SIPA1L1: variants seen among roughly 807,000 people sequenced by gnomAD.
SIPA1L1 encodes signal-induced proliferation-associated 1-like protein 1.
In SIPA1L1, 26 loss-of-function variants were observed where a neutral mutation model predicts 162.7. That is an observed-to-expected ratio of 0.16 (90% confidence interval 0.12 to 0.22). The LOEUF (loss-of-function observed/expected upper bound fraction) is 0.22, where lower values mean the gene tolerates loss of function less well. Ranked by LOEUF, SIPA1L1 falls within the 10% of genes least tolerant of loss-of-function variation. The pLI is 1.00. For missense variants in SIPA1L1, 1,874 were observed against 2,241.0 expected, an observed-to-expected ratio of 0.84 and a Z score of 3.31; for synonymous variants, 829 against 837.4, an observed-to-expected ratio of 0.99 and a Z score of 0.17.
At chr14:71,507,933 GT>G (rs1405468180) in intron 2 of SIPA1L1, among the ~76,000 whole-genome samples, 1 of 152,182 alleles carries the variant, frequency 6.6e-6, no homozygotes, top group East Asian at 1.9e-4. Context: ...ATGGCAATGA[GT>G]AAAAGCAGGC....
chr14:71,458,837 A>G (rs915260346), intron 2 of SIPA1L1, among the ~76,000 whole-genome samples: 19 of 151,982 alleles, frequency 1.3e-4, no homozygotes, highest in African/African-American at 4.4e-4. Context: ...TTGGGAGGCC[A>G]AGGTTTGGGG....
intron 2 of SIPA1L1, among the ~76,000 whole-genome samples, chr14:71,399,972 C>T (rs536186700): frequency 1.2e-4 from 18 of 152,088 alleles, no homozygotes; most frequent in South Asian, 6.2e-4. Flanking sequence ...CCACCCGCCT[C>T]GGCCTCACAA....
intron 2 of SIPA1L1, among the ~76,000 whole-genome samples, chr14:71,339,405 C>T (rs1464533116): frequency 6.6e-6 from 1 of 150,686 alleles, no homozygotes; most frequent in Admixed American, 6.6e-5. Context: ...CTCTGTAGGC[C>T]AGGCTGGAGT....
Position 71,344,508 on chromosome 14 carries a change from C to A in SIPA1L1, c.-465+23327C>A, listed in dbSNP as rs561465113. Among the ~76,000 whole-genome samples, 4 of 152,290 alleles carry A rather than the reference C, an allele frequency of 2.6e-5. No homozygotes were observed. In the East Asian group the frequency reaches 7.7e-4, roughly 29 times the overall value. ...TAGATGTTGGACCCAGGGCTTCTTA[C>A]AAGCCCTCCCAACTTTTCAGGTTTT... On this transcript the variant is annotated intron_variant, in intron 2 of 23. Transcript: ENST00000381232.
At chr14:71,532,515 C>G (rs367611879) in intron 4 of SIPA1L1, among the ~76,000 whole-genome samples, 3 of 152,204 alleles carry the variant, frequency 2.0e-5, no homozygotes, top group East Asian at 1.9e-4. Context: ...CTTCTAGACA[C>G]TGACTCAGAT....
intron 3 of SIPA1L1, among the ~76,000 whole-genome samples, chr14:71,514,012 C>T (rs770236848): frequency 2.7e-4 from 41 of 152,030 alleles, no homozygotes; most frequent in Non-Finnish European, 5.3e-4. Context: ...ATTCTTGCCT[C>T]CTCAGAAGAA....
At chr14:71,501,648 G>A (rs370880967) in intron 2 of SIPA1L1, among the ~76,000 whole-genome samples, 3 of 152,118 alleles carry the variant, frequency 2.0e-5, no homozygotes, top group East Asian at 1.9e-4. Flanking sequence ...TAGTTACAGT[G>A]GTCGGTTCAG....
At chr14:71,393,462 C>T (rs1177608276) in intron 2 of SIPA1L1, among the ~76,000 whole-genome samples, 1 of 151,936 alleles carries the variant, frequency 6.6e-6, no homozygotes, top group South Asian at 2.1e-4. Context: ...TTGCCAAAGC[C>T]GATTTGTAAA....
chr14:71,331,633 A>G (rs900769900), intron 2 of SIPA1L1, among the ~76,000 whole-genome samples: 24 of 152,236 alleles, frequency 1.6e-4, no homozygotes, highest in African/African-American at 5.5e-4. Flanking sequence ...ATTCATACCC[A>G]ACACTCTGTG....
intron 2 of SIPA1L1, among the ~76,000 whole-genome samples, chr14:71,413,353 A>G (rs1347369659): frequency 1.3e-5 from 2 of 152,158 alleles, no homozygotes; most frequent in Non-Finnish European, 2.9e-5. Context: ...GAGATCTTTG[A>G]GTAGCAGTCT....
At chr14:71,642,171 GA>G (rs2041779810) in intron 7 of SIPA1L1, among the ~76,000 whole-genome samples, 1 of 152,222 alleles carries the variant, frequency 6.6e-6, no homozygotes, top group African/African-American at 2.4e-5. Flanking sequence ...ATCAGGCATT[GA>G]AGGACATTGA....
chr14:71,492,728 G>A (rs531813603), intron 2 of SIPA1L1, among the ~76,000 whole-genome samples: 5 of 151,598 alleles, frequency 3.3e-5, no homozygotes, highest in African/African-American at 1.2e-4. Flanking sequence ...AGGCTCAAGC[G>A]ATCCATCTCA....
At chr14:71,554,117 A>T (rs1289326927) in intron 4 of SIPA1L1, among the ~76,000 whole-genome samples, 1 of 152,176 alleles carries the variant, frequency 6.6e-6, no homozygotes, top group Non-Finnish European at 1.5e-5. Context: ...CATGGTACTG[A>T]TACGTTATTT....
chr14:71,375,645 T>C (rs999484797), intron 2 of SIPA1L1, among the ~76,000 whole-genome samples: 1 of 152,190 alleles, frequency 6.6e-6, no homozygotes. Flanking sequence ...CATTCTTGCT[T>C]TACTCTTCTC....
chr14:71,462,986 A>C (rs1324559492), intron 2 of SIPA1L1, among the ~76,000 whole-genome samples: 1 of 152,244 alleles, frequency 6.6e-6, no homozygotes, highest in South Asian at 2.1e-4. Context: ...TAATTTGCTC[A>C]AGCAGTGAAA....
chr14:71,687,188 A>C (rs1410715312), intron 13 of SIPA1L1, among the ~76,000 whole-genome samples: 1 of 152,200 alleles, frequency 6.6e-6, no homozygotes, highest in Non-Finnish European at 1.5e-5. Flanking sequence ...CATCCTGGAG[A>C]TCTGTTTACA....
At chr14:71,610,969 T>C (rs1474134440) in intron 5 of SIPA1L1, among the ~76,000 whole-genome samples, 3 of 152,232 alleles carry the variant, frequency 2.0e-5, no homozygotes, top group Non-Finnish European at 4.4e-5. Flanking sequence ...AATTATAAGC[T>C]TAGTGCCATG....
intron 2 of SIPA1L1, among the ~76,000 whole-genome samples, chr14:71,323,871 T>C (rs2033464243): frequency 6.6e-6 from 1 of 152,314 alleles, no homozygotes; most frequent in South Asian, 2.1e-4. Context: ...GTAGTAATAT[T>C]TTCTGGCATG....
intron 2 of SIPA1L1, among the ~76,000 whole-genome samples, chr14:71,459,245 T>TA (rs1483998852): frequency 6.6e-6 from 1 of 152,144 alleles, no homozygotes; most frequent in Non-Finnish European, 1.5e-5. Context: ...GGCGGGAACA[T>TA]ACTACAGATC....
Sources: gnomAD v4.1 joint callset for allele counts (sites outside exome capture counted in the v4.1 genomes callset) on GRCh38, gnomAD v4.1.1 for gene constraint, MANE v1.5 for transcripts, NCBI Gene and HGNC (gene_info 2026-07-23, HGNC 2026-07-21) for gene names.